GPC5: variants seen among roughly 807,000 people sequenced by gnomAD.
GPC5 encodes glypican 5.
GPC5 carries 47 observed loss-of-function variants against 53.9 expected under a neutral mutation model. The ratio of observed to expected loss-of-function variants is 0.87; its 90% CI spans 0.69 to 1.11. GPC5 has a LOEUF of 1.11. Ranked by LOEUF, GPC5 falls within the 50% of genes most tolerant of loss-of-function variation. The pLI is 0.00. For missense variants in GPC5, 748 were observed against 713.1 expected, an observed-to-expected ratio of 1.05 and a Z score of -0.56; for synonymous variants, 286 against 263.3, an observed-to-expected ratio of 1.09 and a Z score of -0.84.
chr13:92,500,263 T>C (rs578004540), intron 7 of GPC5, among the ~76,000 whole-genome samples: 17 of 152,130 alleles, frequency 1.1e-4, no homozygotes, highest in Non-Finnish European at 2.4e-4. Flanking sequence ...TGCTTGTCAG[T>C]CTGGCTGAGA....
intron 7 of GPC5, among the ~76,000 whole-genome samples, chr13:92,405,155 A>G (rs1199706664): frequency 6.6e-6 from 1 of 152,178 alleles, no homozygotes; most frequent in Non-Finnish European, 1.5e-5. Flanking sequence ...AATTCCATCC[A>G]GTTCAGGGGC....
At chr13:91,415,394 C>T (rs1209840235) in intron 1 of GPC5, among the ~76,000 whole-genome samples, 1 of 152,070 alleles carries the variant, frequency 6.6e-6, no homozygotes, top group African/African-American at 2.4e-5. Flanking sequence ...TGTTTTATGC[C>T]AGCATCCATG....
At chr13:92,393,317 C>T (rs938283450) in intron 7 of GPC5, among the ~76,000 whole-genome samples, 1 of 152,102 alleles carries the variant, frequency 6.6e-6, no homozygotes, top group African/African-American at 2.4e-5. Context: ...AACCAAATAG[C>T]ACATGTTCTC....
At chr13:91,509,952 C>T (rs1885150382) in intron 2 of GPC5, among the ~76,000 whole-genome samples, 1 of 152,116 alleles carries the variant, frequency 6.6e-6, no homozygotes, top group Non-Finnish European at 1.5e-5. Context: ...TATGGTTTGT[C>T]ATTATCACTT....
chr13:92,052,069 T>C (rs1950374345), intron 6 of GPC5, among the ~76,000 whole-genome samples: 2 of 152,134 alleles, frequency 1.3e-5, no homozygotes, highest in South Asian at 4.1e-4. Context: ...TAAAACAGAA[T>C]GTGTATTAGG....
chr13:91,638,733 C>A (rs1412081295), intron 2 of GPC5, among the ~76,000 whole-genome samples: 2 of 152,032 alleles, frequency 1.3e-5, no homozygotes, highest in Non-Finnish European at 2.9e-5. Context: ...GGATTGGATT[C>A]AAAAAATTTT....
intron 7 of GPC5, among the ~76,000 whole-genome samples, chr13:92,251,008 C>T (rs981013442): frequency 2.6e-5 from 4 of 152,058 alleles, no homozygotes; most frequent in Non-Finnish European, 5.9e-5. Context: ...AGTTTAAAAC[C>T]TATGTTAAGG....
At chr13:92,652,897 T>G (rs1463195837) in intron 7 of GPC5, among the ~76,000 whole-genome samples, 1 of 152,026 alleles carries the variant, frequency 6.6e-6, no homozygotes, top group Non-Finnish European at 1.5e-5. Flanking sequence ...CAACACAATA[T>G]CCAGCGTGGG....
chr13:91,810,782 A>T (rs1215796540), intron 5 of GPC5, among the ~76,000 whole-genome samples: 1 of 151,940 alleles, frequency 6.6e-6, no homozygotes, highest in Non-Finnish European at 1.5e-5. Flanking sequence ...ATATGTCACC[A>T]GATGTTATAG....
At chr13:92,759,734 T>A (rs1202590752) in intron 7 of GPC5, among the ~76,000 whole-genome samples, 1 of 152,088 alleles carries the variant, frequency 6.6e-6, no homozygotes, top group African/African-American at 2.4e-5. Context: ...CTCTTGATAG[T>A]ATTTCCAGTA....
intron 7 of GPC5, among the ~76,000 whole-genome samples, chr13:92,480,654 G>A (rs745821133): frequency 2.0e-5 from 3 of 151,550 alleles, no homozygotes; most frequent in Non-Finnish European, 2.9e-5. Flanking sequence ...TACATTCGCA[G>A]ACTAAAAAAC....
intron 2 of GPC5, among the ~76,000 whole-genome samples, chr13:91,644,002 T>C (rs2034498601): frequency 2.6e-5 from 1 of 39,122 alleles, no homozygotes; most frequent in African/African-American, 4.7e-5. Context: ...GAATTAAAAT[T>C]CATATGTTAA....
At chr13:92,057,434 G>A (rs570128806) in intron 6 of GPC5, among the ~76,000 whole-genome samples, 2 of 152,192 alleles carry the variant, frequency 1.3e-5, no homozygotes, top group African/African-American at 4.8e-5. Flanking sequence ...AAACTAAAAT[G>A]GTTGTTGTTT....
intron 7 of GPC5, among the ~76,000 whole-genome samples, chr13:92,151,305 A>C (rs1395155400): frequency 1.3e-5 from 2 of 152,236 alleles, no homozygotes; most frequent in South Asian, 2.1e-4. Context: ...ATAATACAGG[A>C]AATCTGAGGG....
chr13:92,495,830 A>G (rs1474877316), intron 7 of GPC5, among the ~76,000 whole-genome samples: 2 of 152,024 alleles, frequency 1.3e-5, no homozygotes, highest in Admixed American at 1.3e-4. Flanking sequence ...CAACCTGTGT[A>G]AACCCCAGCC....
rs1006901055 is a variant in GPC5, at chr13:92,637,154, C to A, written c.1562-229128C>A. Among the ~76,000 whole-genome samples the A allele has an allele frequency of 2.0e-5, 3 of 152,174 alleles. No homozygotes were observed. In the East Asian group the frequency reaches 5.8e-4, roughly 29 times the overall value. ...TAATAGTCCTATCCATTCCAATTCA[C>A]TTTCCAGATTCCTGACAAAAATGAT... On this transcript the variant is annotated intron_variant, in intron 7 of 7. Transcript: ENST00000377067.
At chr13:92,070,062 GA>G (rs995174621) in intron 6 of GPC5, among the ~76,000 whole-genome samples, 3 of 152,132 alleles carry the variant, frequency 2.0e-5, no homozygotes, top group African/African-American at 7.2e-5. Context: ...GTTGATTTCT[GA>G]GAGATGGGGC....
At chr13:91,530,619 C>A (rs1026735819) in intron 2 of GPC5, among the ~76,000 whole-genome samples, 7 of 152,166 alleles carry the variant, frequency 4.6e-5, no homozygotes, top group African/African-American at 1.7e-4. Flanking sequence ...CTTTTTATAT[C>A]TTTTCAACCT....
chr13:92,374,733 T>C (rs1189474909), intron 7 of GPC5, among the ~76,000 whole-genome samples: 3 of 147,318 alleles, frequency 2.0e-5, no homozygotes, highest in Non-Finnish European at 4.5e-5. Context: ...GGGATAGCAT[T>C]GGGAGATATA....
Sources: gnomAD v4.1 joint callset for allele counts (sites outside exome capture counted in the v4.1 genomes callset) on GRCh38, gnomAD v4.1.1 for gene constraint, MANE v1.5 for transcripts, NCBI Gene and HGNC (gene_info 2026-07-23, HGNC 2026-07-21) for gene names.